Variants in PXYLP1 observed in about 807,000 individuals in gnomAD.
The protein encoded by PXYLP1 is acid phosphatase-like 2.
PXYLP1 carries 17 observed loss-of-function variants against 37.9 expected under a neutral mutation model. The ratio of observed to expected loss-of-function variants is 0.45; its 90% CI spans 0.31 to 0.67. The LOEUF is 0.67. Among genes scored for constraint, PXYLP1 ranks in the 30% least tolerant of loss-of-function variants. The pLI, the probability that PXYLP1 is intolerant of heterozygous loss-of-function variation, is 0.07. For synonymous variants in PXYLP1, 221 were observed against 232.2 expected (o/e 0.95, Z 0.44); for missense variants, 511 against 612.0 (o/e 0.84, Z 1.74).
At chr3:141,274,679 C>A in intron 2 of PXYLP1, 1 of 709,546 alleles carries the variant, frequency 1.4e-6, no homozygotes, top group Non-Finnish European at 2.6e-6. Context: ...ATGTGAAAGA[C>A]GCACACTCCC....
rs1942261211 is a variant in PXYLP1 at position 141,292,866 on chromosome 3, A to G, written c.1104A>G (p.Lys368=). The G allele has an allele frequency of 6.2e-7, 1 of 1,614,072 alleles. No homozygotes were observed. Among genetic ancestry groups the G allele is most frequent in the African/African-American group, 1.3e-5 (1 of 74,932 alleles). Reference sequence around the variant, plus strand: ...TGCAGCGTGCCACCGAGGGCAGGAAAGAAGAGCTCTTTGCCCTCTACTCTG... The same window carrying G: ...TGCAGCGTGCCACCGAGGGCAGGAAGGAAGAGCTCTTTGCCCTCTACTCTG... ...GRMQRATEGR[K]EELFALYSAH... The change falls in exon 6 of 6, where the codon AAA becomes AAG. Residue 368 remains lysine (K), a synonymous_variant. Coordinates refer to ENST00000286353, the MANE Select transcript of PXYLP1 (RefSeq NM_001037172.3). The surrounding 1 kb of genome is among the most constrained non-coding windows in gnomAD (Gnocchi z 4.3).
At chr3:141,237,361 A>T (rs1245780236) in intron 1 of PXYLP1, among the ~76,000 whole-genome samples, 4 of 152,186 alleles carry the variant, frequency 2.6e-5, no homozygotes, top group Admixed American at 2.6e-4. Context: ...ATGACTTCCT[A>T]ATACTAGAGT....
At chr3:141,283,650 A>T (rs1465073431) in intron 4 of PXYLP1, among the ~76,000 whole-genome samples, 1 of 152,104 alleles carries the variant, frequency 6.6e-6, no homozygotes, top group Non-Finnish European at 1.5e-5. Context: ...AATATGTAAG[A>T]TGATAAATTC....
intron 1 of PXYLP1, among the ~76,000 whole-genome samples, chr3:141,253,957 G>A (rs556145727): frequency 1.5e-4 from 23 of 151,430 alleles, no homozygotes; most frequent in Admixed American, 1.2e-3. Flanking sequence ...TGTCACCCAG[G>A]CTGGAACGCA....
chr3:141,259,420 A>G (rs530154325), intron 1 of PXYLP1, among the ~76,000 whole-genome samples: 2 of 150,420 alleles, frequency 1.3e-5, no homozygotes, highest in South Asian at 4.2e-4. Flanking sequence ...CAGAAGGGAC[A>G]TTTAGGACCT....
intron 2 of PXYLP1, among the ~76,000 whole-genome samples, chr3:141,276,404 GTTTGT>G (rs1941796929): frequency 6.6e-6 from 1 of 151,998 alleles, no homozygotes; most frequent in African/African-American, 2.4e-5. Flanking sequence ...TGCATTTATG[GTTTGT>G]TTTTTTTCTT....
intron 2 of PXYLP1, chr3:141,262,824 A>G (rs1941425986): frequency 3.5e-6 from 3 of 858,932 alleles, no homozygotes; most frequent in Non-Finnish European, 5.5e-6. Context: ...TACTGTAAGA[A>G]ACAGCACTAA....
At chr3:141,278,759 TG>T (rs112060006) in intron 3 of PXYLP1, among the ~76,000 whole-genome samples, 7,524 of 152,250 alleles carry the variant, frequency 0.049, 241 homozygotes, top group South Asian at 0.1. Flanking sequence ...CCACCACAAA[TG>T]TTTGCCATCA....
chr3:141,286,965 G>A (rs901144992), intron 4 of PXYLP1, among the ~76,000 whole-genome samples: 2 of 152,196 alleles, frequency 1.3e-5, no homozygotes, highest in East Asian at 1.9e-4. Flanking sequence ...AGAGTGGGAC[G>A]ATGCCCAGCC....
intron 2 of PXYLP1, among the ~76,000 whole-genome samples, chr3:141,275,151 G>A (rs1941762274): frequency 2.0e-5 from 3 of 152,218 alleles, no homozygotes; most frequent in Admixed American, 2.0e-4. Context: ...CTCTGAACTA[G>A]TAGACACAGT....
At chr3:141,250,585 C>A (rs536966058) in intron 1 of PXYLP1, among the ~76,000 whole-genome samples, 9 of 152,328 alleles carry the variant, frequency 5.9e-5, no homozygotes. Context: ...ATGCGATGGG[C>A]AGCCTGGGGG....
rs1942276690 is a variant in PXYLP1 at position 141,293,300 on chromosome 3, A to G, written c.*95A>G. 7.8e-7 allele frequency: 1 copy of G among 1,274,860 alleles called. No homozygotes were observed. Among genetic ancestry groups the G allele is most frequent in the Admixed American group, 2.8e-5 (1 of 36,358 alleles). 79.0% of individuals were successfully genotyped at this position (1,274,860 alleles called of 1,614,324 possible). A position where few individuals can be genotyped will look rare whatever the true frequency, so the allele number is the denominator to read the frequency against. On this transcript the variant is annotated 3_prime_UTR_variant, in exon 6 of 6. Transcript: ENST00000286353. ...TGTCTGTTACTAAGGGTAGAAGATT[A>G]TTGCTTTTTAAAGGCTAAATATTGT...
At chr3:141,271,601 G>A (rs1057223923) in intron 2 of PXYLP1, among the ~76,000 whole-genome samples, 2 of 152,170 alleles carry the variant, frequency 1.3e-5, no homozygotes, top group African/African-American at 4.8e-5. Flanking sequence ...CATTTCCCGG[G>A]AAACTCTGGG....
intron 1 of PXYLP1, among the ~76,000 whole-genome samples, chr3:141,246,066 T>A (rs1296600235): frequency 6.6e-6 from 1 of 152,188 alleles, no homozygotes; most frequent in Non-Finnish European, 1.5e-5. Flanking sequence ...CCTAGCCTTT[T>A]GGGTCGCCTG....
intron 2 of PXYLP1, among the ~76,000 whole-genome samples, chr3:141,275,635 C>T (rs923358333): frequency 2.6e-5 from 4 of 152,322 alleles, no homozygotes; most frequent in African/African-American, 7.2e-5. Context: ...TCCCTCTGAA[C>T]ACCTGGGCTG....
At position 141,287,340 on chromosome 3, in the gene PXYLP1, C is replaced by T. The variant is rs1413680539; in HGVS notation, c.392C>T (p.Ala131Val). Residue 131 changes from alanine to valine, a missense_variant, in exon 5 of 6, where the codon GCT becomes GTT. Transcript: ENST00000286353. Reference sequence around the variant, plus strand: ...AAACCGTATCACCCAAAACTGGAAGCTTTCATTAGTCACATGTCAAAAGGA... The same window carrying T: ...AAACCGTATCACCCAAAACTGGAAGTTTTCATTAGTCACATGTCAAAAGGA... ...NRKPYHPKLE[A>V]FISHMSKGSG... 1 of 1,614,072 alleles carries T rather than the reference C, an allele frequency of 6.2e-7. No homozygotes were observed. Among genetic ancestry groups the T allele is most frequent in the Non-Finnish European group, 8.5e-7 (1 of 1,180,032 alleles).
chr3:141,245,992 T>C (rs978128865), intron 1 of PXYLP1, among the ~76,000 whole-genome samples: 4 of 152,030 alleles, frequency 2.6e-5, no homozygotes, highest in Non-Finnish European at 5.9e-5. Flanking sequence ...AACTGGAAAG[T>C]CAGGAGAGCT....
intron 1 of PXYLP1, among the ~76,000 whole-genome samples, chr3:141,252,687 C>T (rs2148724660): frequency 6.6e-6 from 1 of 152,310 alleles, no homozygotes; most frequent in South Asian, 2.1e-4. Context: ...ATATCCAAAC[C>T]ATAGCACCAC....
intron 1 of PXYLP1, among the ~76,000 whole-genome samples, chr3:141,256,700 T>A (rs1941270793): frequency 6.6e-6 from 1 of 152,186 alleles, no homozygotes; most frequent in African/African-American, 2.4e-5. Context: ...TCTAGTGAAA[T>A]GGGCTCCAAA....
Sources: gnomAD v4.1 joint callset for allele counts (sites outside exome capture counted in the v4.1 genomes callset) on GRCh38, gnomAD v4.1.1 for gene constraint, Gnocchi (gnomAD v3.1) non-coding constraint, MANE v1.5 for transcripts, NCBI Gene and HGNC (gene_info 2026-07-23, HGNC 2026-07-21) for gene names.